Variants in GALNT13 observed in about 807,000 individuals in gnomAD.
GALNT13 encodes UDP-GalNAc:polypeptide N-acetylgalactosaminyltransferase 13.
In GALNT13, 28 loss-of-function variants were observed where a neutral mutation model predicts 64.2. The ratio of observed to expected loss-of-function variants is 0.44; its 90% CI spans 0.32 to 0.60. The LOEUF (loss-of-function observed/expected upper bound fraction) is 0.60, where lower values mean the gene tolerates loss of function less well. Ranked by LOEUF, GALNT13 falls within the 20% of genes least tolerant of loss-of-function variation. The pLI, the probability that GALNT13 is intolerant of heterozygous loss-of-function variation, is 0.05. For missense variants in GALNT13, 577 were observed against 669.8 expected, an observed-to-expected ratio of 0.86 and a Z score of 1.53; for synonymous variants, 214 against 224.6, an observed-to-expected ratio of 0.95 and a Z score of 0.42.
intron 3 of GALNT13, among the ~76,000 whole-genome samples, chr2:154,009,645 A>G (rs1696493140): frequency 6.6e-6 from 1 of 151,996 alleles, no homozygotes; most frequent in Non-Finnish European, 1.5e-5. Flanking sequence ...TGCCACCACC[A>G]TGACTGCCTA....
the GALNT13 span, among the ~76,000 whole-genome samples, chr2:153,826,489 T>C: frequency 6.6e-6 from 1 of 152,202 alleles, no homozygotes; most frequent in Admixed American, 6.5e-5. Context: ...ATATACAATT[T>C]ATGACTTTAT....
chr2:153,320,123 G>A, the GALNT13 span, among the ~76,000 whole-genome samples: 1 of 152,150 alleles, frequency 6.6e-6, no homozygotes, highest in African/African-American at 2.4e-5. Flanking sequence ...TTTCTTTAAA[G>A]CTCCACAGGT....
At chr2:154,444,205 T>C (rs1701447717) in intron 12 of GALNT13, among the ~76,000 whole-genome samples, 2 of 151,914 alleles carry the variant, frequency 1.3e-5, no homozygotes. Flanking sequence ...TAATTAGGCA[T>C]TTGCAACAAA....
At chr2:153,675,227 C>G in the GALNT13 span, among the ~76,000 whole-genome samples, 1 of 152,206 alleles carries the variant, frequency 6.6e-6, no homozygotes, top group African/African-American at 2.4e-5. Flanking sequence ...AATCATGCTA[C>G]TATAAAAACA....
At chr2:153,259,100 A>G in the GALNT13 span, among the ~76,000 whole-genome samples, 1 of 152,122 alleles carries the variant, frequency 6.6e-6, no homozygotes, top group Non-Finnish European at 1.5e-5. Flanking sequence ...TATATATCTG[A>G]GGCTCCAGTG....
At chr2:153,646,612 C>G in the GALNT13 span, among the ~76,000 whole-genome samples, 8 of 152,184 alleles carry the variant, frequency 5.3e-5, no homozygotes, top group South Asian at 1.2e-3. Flanking sequence ...TCTCTCCCCC[C>G]TCCCCCTACT....
intron 4 of GALNT13, among the ~76,000 whole-genome samples, chr2:154,233,635 G>A (rs1408332133): frequency 1.3e-5 from 2 of 152,144 alleles, no homozygotes; most frequent in Admixed American, 1.3e-4. Context: ...CACAATACCT[G>A]CTATATAATT....
chr2:154,361,914 T>C (rs1383828608), intron 9 of GALNT13, among the ~76,000 whole-genome samples: 2 of 152,102 alleles, frequency 1.3e-5, no homozygotes, highest in East Asian at 3.9e-4. Context: ...CTTATTTATT[T>C]TGGAAAACTA....
chr2:154,454,479 A>T (rs1377786966), downstream of GALNT13: 1 of 152,262 alleles, frequency 6.6e-6, no homozygotes, highest in South Asian at 2.1e-4. Context: ...CCTGGCCAAC[A>T]TGACGAAACC....
the GALNT13 span, among the ~76,000 whole-genome samples, chr2:153,089,590 T>C: frequency 1.3e-5 from 2 of 152,106 alleles, no homozygotes; most frequent in Non-Finnish European, 2.9e-5. Context: ...CATACTTCTC[T>C]TTTTCCTCAG....
At chr2:153,459,287 C>G in the GALNT13 span, among the ~76,000 whole-genome samples, 1 of 151,800 alleles carries the variant, frequency 6.6e-6, no homozygotes, top group Non-Finnish European at 1.5e-5. Context: ...TAAGAGAAAA[C>G]TGTATTAGAA....
the GALNT13 span, among the ~76,000 whole-genome samples, chr2:153,525,515 C>T: frequency 1.3e-5 from 2 of 152,178 alleles, no homozygotes; most frequent in African/African-American, 4.8e-5. Context: ...GTGAGCATTG[C>T]TGCCTGAGCT....
intron 3 of GALNT13, among the ~76,000 whole-genome samples, chr2:154,138,995 G>T (rs1200509791): frequency 6.6e-6 from 1 of 151,820 alleles, no homozygotes. Flanking sequence ...GTTTGAAATT[G>T]AATACATATT....
intron 9 of GALNT13, among the ~76,000 whole-genome samples, chr2:154,356,962 T>C (rs1226007472): frequency 6.6e-6 from 1 of 152,020 alleles, no homozygotes; most frequent in Non-Finnish European, 1.5e-5. Context: ...TATATAAATA[T>C]AGATATTTGA....
At chr2:153,854,537 C>T in the GALNT13 span, among the ~76,000 whole-genome samples, 349 of 151,984 alleles carry the variant, frequency 2.3e-3, 1 homozygote, top group African/African-American at 8.0e-3. Context: ...GCTGAGATCG[C>T]ACCATTGCAG....
At chr2:154,409,549 TAGAC>T (rs745885900) in intron 11 of GALNT13, among the ~76,000 whole-genome samples, 8 of 152,076 alleles carry the variant, frequency 5.3e-5, no homozygotes, top group African/African-American at 1.7e-4. Context: ...CTAAAAGTCT[TAGAC>T]AGCCTTTCTT....
chr2:153,089,993 G>A, the GALNT13 span, among the ~76,000 whole-genome samples: 1 of 152,004 alleles, frequency 6.6e-6, no homozygotes, highest in Non-Finnish European at 1.5e-5. Flanking sequence ...TGATCTTTTG[G>A]GGGTGTTATA....
At chr2:153,552,575 C>CTTTTTTTTT in the GALNT13 span, among the ~76,000 whole-genome samples, 60 of 69,230 alleles carry the variant, frequency 8.7e-4, no homozygotes, top group Admixed American at 1.3e-3. Context: ...GCTTCTTCTT[C>CTTTTTTTTT]TTTTTTTTTT....
rs1699489353 is a variant in GALNT13, at chr2:154,049,871, T to A, written c.143-90466T>A. Among the ~76,000 whole-genome samples, 5 of 152,114 alleles carry A rather than the reference T, an allele frequency of 3.3e-5. No individual in the cohort carries two copies. In the South Asian group the frequency reaches 8.3e-4, roughly 25 times the overall value. ...AGTTTTTGTCAGTGTGAGAATTTTT[T>A]AAATTACTTATTTTATTTTTATTTT... On this transcript the variant is annotated intron_variant, in intron 3 of 12. Coordinates refer to ENST00000392825, the MANE Select transcript of GALNT13 (RefSeq NM_052917.4).
Sources: allele counts gnomAD v4.1 joint callset (sites outside exome capture counted in the v4.1 genomes callset), GRCh38; gene constraint gnomAD v4.1.1; transcripts MANE v1.5; gene names NCBI Gene and HGNC (gene_info 2026-07-23, HGNC 2026-07-21).